Variants in HRH1 observed in about 807,000 individuals in gnomAD.
HRH1 encodes the protein histamine H1 receptor.
In HRH1, 6 loss-of-function variants were observed where a neutral mutation model predicts 10.3. The ratio of observed to expected loss-of-function variants is 0.58; its 90% CI spans 0.32 to 1.15. HRH1 has a LOEUF of 1.15. HRH1 is among the 50% of genes most tolerant of loss of function. The pLI is 0.05. For missense variants in HRH1, 514 were observed against 615.3 expected, an observed-to-expected ratio of 0.84 and a Z score of 1.74; for synonymous variants, 242 against 236.7, an observed-to-expected ratio of 1.02 and a Z score of -0.21.
Position 11,259,618 on chromosome 3 carries a change from C to G in HRH1, c.581C>G (p.Thr194Ser). ...FYDVTWFKVMTAIINFYLPTL... is the reference protein window; with the variant it reads ...FYDVTWFKVMSAIINFYLPTL... ...GATGTCACCTGGTTCAAGGTCATGA[C>G]TGCCATCATCAACTTCTACCTGCCC... The change falls in exon 2 of 2, where the codon ACT becomes AGT. Residue 194 changes from threonine to serine, a missense_variant. Physicochemically the swap from Thr to Ser is moderately conservative, Grantham distance 58. Transcript: ENST00000431010. The surrounding 1 kb of genome is among the most constrained non-coding windows in gnomAD (Gnocchi z 4.6). 2 of 1,614,110 alleles carry G rather than the reference C, an allele frequency of 1.2e-6. No homozygotes were observed. Among genetic ancestry groups the G allele is most frequent in the Non-Finnish European group, 1.7e-6 (2 of 1,179,998 alleles).
chr3:11,236,863 G>GA (rs2152577047), intron 1 of HRH1, among the ~76,000 whole-genome samples: 1 of 152,348 alleles, frequency 6.6e-6, no homozygotes, highest in Admixed American at 6.5e-5. Context: ...TCACTTGACT[G>GA]AAAGAGACAA....
rs183423799 is a variant in HRH1, at chr3:11,191,358, G to A, written c.-36+36804G>A. Among the ~76,000 whole-genome samples, 388 of 152,198 alleles carry A rather than the reference G, an allele frequency of 2.5e-3. 5 individuals carry two copies. Among genetic ancestry groups the A allele is most frequent in the Middle Eastern group, 6.8e-3 (2 of 294 alleles). On this transcript the variant is annotated intron_variant, in intron 1 of 1. Coordinates refer to ENST00000431010, the MANE Select transcript of HRH1 (RefSeq NM_001098212.2). ...GTTAGTTTCTCAACACACCTGAAAG[G>A]GTCTTAGCGAAGGAAATGTCTGGTG...
intron 1 of HRH1, among the ~76,000 whole-genome samples, chr3:11,164,942 G>A (rs1937001050): frequency 6.6e-6 from 1 of 152,222 alleles, no homozygotes; most frequent in South Asian, 2.1e-4. Context: ...AGGTAAAACA[G>A]GAGTTGGAGT....
chr3:11,247,987 A>G (rs1026859107), intron 1 of HRH1, among the ~76,000 whole-genome samples: 1 of 152,198 alleles, frequency 6.6e-6, no homozygotes, highest in African/African-American at 2.4e-5. Flanking sequence ...CCATTTCTCC[A>G]TGAGGGTTGT....
At chr3:11,189,376 A>T (rs1284094755) in intron 1 of HRH1, among the ~76,000 whole-genome samples, 1 of 152,200 alleles carries the variant, frequency 6.6e-6, no homozygotes, top group Non-Finnish European at 1.5e-5. Context: ...GGAAGATAAT[A>T]GACTTACCTC....
At chr3:11,195,615 C>A (rs1372603254) in intron 1 of HRH1, among the ~76,000 whole-genome samples, 1 of 152,230 alleles carries the variant, frequency 6.6e-6, no homozygotes, top group African/African-American at 2.4e-5. Context: ...TAATCTCTTC[C>A]TGGTGTCCTG....
chr3:11,224,779 G>A (rs534794868), intron 1 of HRH1, among the ~76,000 whole-genome samples: 7 of 152,278 alleles, frequency 4.6e-5, no homozygotes, highest in African/African-American at 1.7e-4. Flanking sequence ...ATAACTGTGA[G>A]GTTGGACCAG....
intron 1 of HRH1, among the ~76,000 whole-genome samples, chr3:11,174,382 C>T (rs745838790): frequency 6.6e-5 from 10 of 152,146 alleles, no homozygotes; most frequent in African/African-American, 2.2e-4. Flanking sequence ...GCCATCTCAG[C>T]GCTGACTCCC....
At chr3:11,257,175 C>A (rs1559287872) in intron 1 of HRH1, among the ~76,000 whole-genome samples, 1 of 150,212 alleles carries the variant, frequency 6.7e-6, no homozygotes, top group African/African-American at 2.5e-5. Flanking sequence ...ATCACTTGAA[C>A]CCAGAAAGCA....
chr3:11,184,836 T>G (rs1243690716), intron 1 of HRH1, among the ~76,000 whole-genome samples: 2 of 149,184 alleles, frequency 1.3e-5, no homozygotes, highest in Non-Finnish European at 3.0e-5. Context: ...AGAAATCACT[T>G]GAACCTGGGA....
chr3:11,217,418 A>G (rs1461269290), intron 1 of HRH1, among the ~76,000 whole-genome samples: 2 of 151,912 alleles, frequency 1.3e-5, no homozygotes, highest in African/African-American at 4.8e-5. Context: ...AATCTCAGCT[A>G]CTCAGGAGGC....
At chr3:11,222,871 T>C (rs1350458979) in intron 1 of HRH1, among the ~76,000 whole-genome samples, 3 of 152,116 alleles carry the variant, frequency 2.0e-5, no homozygotes, top group Non-Finnish European at 4.4e-5. Flanking sequence ...GATTTTCTCT[T>C]TTCAGAGCCA....
intron 1 of HRH1, among the ~76,000 whole-genome samples, chr3:11,240,276 C>A (rs967907795): frequency 6.6e-6 from 1 of 151,860 alleles, no homozygotes; most frequent in African/African-American, 2.4e-5. Flanking sequence ...TTTTGTTTAC[C>A]CTGTGTAGTG....
chr3:11,193,172 A>G (rs1937580852), intron 1 of HRH1, among the ~76,000 whole-genome samples: 1 of 152,260 alleles, frequency 6.6e-6, no homozygotes, highest in African/African-American at 2.4e-5. Flanking sequence ...CCCTGAGGGC[A>G]AGCTAATCAT....
intron 1 of HRH1, among the ~76,000 whole-genome samples, chr3:11,250,660 C>G (rs1024856128): frequency 6.6e-6 from 1 of 152,142 alleles, no homozygotes; most frequent in African/African-American, 2.4e-5. Context: ...AGAAACTGAT[C>G]TTTTGTTTCG....
intron 1 of HRH1, among the ~76,000 whole-genome samples, chr3:11,138,785 C>T (rs1936235580): frequency 6.6e-6 from 1 of 151,412 alleles, no homozygotes; most frequent in Non-Finnish European, 1.5e-5. Flanking sequence ...AGCAATCCTC[C>T]CACCTCGGCC....
chr3:11,218,620 G>C (rs1281126139), intron 1 of HRH1, among the ~76,000 whole-genome samples: 1 of 152,170 alleles, frequency 6.6e-6, no homozygotes, highest in Non-Finnish European at 1.5e-5. Context: ...CTGTCGCCCA[G>C]ACTGGAGTGC....
chr3:11,137,915 G>T (rs1936214098), intron 1 of HRH1, among the ~76,000 whole-genome samples: 1 of 152,052 alleles, frequency 6.6e-6, no homozygotes. Flanking sequence ...CCCAAAAGGA[G>T]CCCCAGTGTA....
At chr3:11,256,528 C>G (rs960291754) in intron 1 of HRH1, among the ~76,000 whole-genome samples, 1 of 152,138 alleles carries the variant, frequency 6.6e-6, no homozygotes, top group African/African-American at 2.4e-5. Context: ...AGGCCAGGCA[C>G]GGTGGCTCAC....
Sources: allele counts gnomAD v4.1 joint callset (sites outside exome capture counted in the v4.1 genomes callset), GRCh38; gene constraint gnomAD v4.1.1; non-coding constraint Gnocchi (gnomAD v3.1); transcripts MANE v1.5; gene names NCBI Gene and HGNC (gene_info 2026-07-23, HGNC 2026-07-21).